ALDH1A3: variants seen among roughly 807,000 people sequenced by gnomAD.
The protein encoded by ALDH1A3 is aldehyde dehydrogenase 1 family member A3.
ALDH1A3 carries 28 observed loss-of-function variants against 57.5 expected under a neutral mutation model. The observed-to-expected ratio is 0.49, with a 90% CI of 0.36 to 0.67. The LOEUF (loss-of-function observed/expected upper bound fraction) is 0.67, where lower values mean the gene tolerates loss of function less well. Ranked by LOEUF, ALDH1A3 falls within the 30% of genes least tolerant of loss-of-function variation. The pLI, the probability that ALDH1A3 is intolerant of heterozygous loss-of-function variation, is 0.00. For missense variants in ALDH1A3, 507 were observed against 669.4 expected, an observed-to-expected ratio of 0.76 and a Z score of 2.68; for synonymous variants, 281 against 264.8, an observed-to-expected ratio of 1.06 and a Z score of -0.59.
chr15:100,895,945 C>A lies in ALDH1A3; in HGVS notation c.679C>A (p.Pro227Thr), dbSNP rs1408573428. 1 of 1,612,856 alleles carries A rather than the reference C, an allele frequency of 6.2e-7. No individual in the cohort carries two copies. The highest frequency in any genetic ancestry group is 8.5e-7 in the Non-Finnish European group (1 of 1,179,500). The change falls in exon 7 of 13, where the codon CCA (proline) becomes ACA (threonine). Residue 227 changes from proline to threonine, a missense_variant. Coordinates refer to ENST00000329841, the MANE Select transcript of ALDH1A3 (RefSeq NM_000693.4). ...GATTTCTTCCCAGGCCGGGTTCCCTCCAGGAGTGGTGAACATTGTGCCAGG... is the reference window on the plus strand; with the variant it reads ...GATTTCTTCCCAGGCCGGGTTCCCTACAGGAGTGGTGAACATTGTGCCAGG... ...GSLIKEAGFP[P>T]GVVNIVPGFG...
chr15:100,896,260 GAGATA>G (rs2041702885), intron 7 of ALDH1A3, among the ~76,000 whole-genome samples: 1 of 152,188 alleles, frequency 6.6e-6, no homozygotes, highest in African/African-American at 2.4e-5. Context: ...AAAAGATTGA[GAGATA>G]AGATAAAGTA....
chr15:100,907,324 G>T, intron 11 of ALDH1A3, 46 bp downstream of exon 11: 2 of 1,582,850 alleles, frequency 1.3e-6, no homozygotes, highest in Non-Finnish European at 1.7e-6. Context: ...GTTGCTTCTT[G>T]CTAAGTTCAT....
intron 12 of ALDH1A3, 127 bp from the exon 13 acceptor site, chr15:100,914,574 T>A: frequency 1.3e-6 from 1 of 758,762 alleles, no homozygotes; most frequent in South Asian, 1.8e-5. Flanking sequence ...TTCCATGAGG[T>A]CGTCACATTT....
Position 100,905,564 on chromosome 15 carries a change from G to C in ALDH1A3, c.1110G>C (p.Glu370Asp). The change falls in exon 10 of 13, where the codon GAG becomes GAC. Residue 370 changes from glutamate to aspartate, a missense_variant. Glu to Asp is a conservative substitution (Grantham distance 45). This residue lies in a region of ALDH1A3 where 432 missense variants were observed against 608.4 expected (regional missense o/e 0.71). Transcript: ENST00000329841. ...TCGACAAAATCTTAGAGCTGATCGA[G>C]AGTGGGAAGAAGGAAGGGGCCAAGC... ...KQFDKILELI[E>D]SGKKEGAKLE... 5 of 1,614,206 alleles carry C rather than the reference G, an allele frequency of 3.1e-6. No homozygotes were observed. Among genetic ancestry groups the C allele is most frequent in the Non-Finnish European group, 4.2e-6 (5 of 1,180,032 alleles).
At chr15:100,907,769 G>C (rs11854028) in intron 11 of ALDH1A3, among the ~76,000 whole-genome samples, 3 of 151,232 alleles carry the variant, frequency 2.0e-5, no homozygotes, top group African/African-American at 7.3e-5. Flanking sequence ...GGAGAACTTT[G>C]GGGTCAGTTC....
chr15:100,905,915 AC>A (rs2041818017), intron 10 of ALDH1A3, among the ~76,000 whole-genome samples: 1 of 152,046 alleles, frequency 6.6e-6, no homozygotes. Context: ...TACAGCAGGT[AC>A]CTTGTTTGTT....
intron 9 of ALDH1A3, among the ~76,000 whole-genome samples, chr15:100,904,092 T>G (rs1567173028): frequency 1.3e-5 from 2 of 152,250 alleles, no homozygotes; most frequent in South Asian, 2.1e-4. Flanking sequence ...TATAAAACTT[T>G]TATGGTTTTG....
Position 100,887,566 on chromosome 15 carries a change from G to C in ALDH1A3, c.205-6G>C. ...ACAGTCTCTCTCTGTTGTTCTGGTC[G>C]CTCAGCCCGACGTGGACAAGGCTGT... On this transcript the variant is annotated splice_region_variant and splice_polypyrimidine_tract_variant and intron_variant, in intron 2 of 12. Transcript: ENST00000329841. The surrounding 1 kb of genome is among the most constrained non-coding windows in gnomAD (Gnocchi z 4.6). 6.3e-7 allele frequency: 1 copy of C among 1,575,768 alleles called. No homozygotes were observed. Among genetic ancestry groups the C allele is most frequent in the Non-Finnish European group, 8.6e-7 (1 of 1,158,492 alleles).
Position 100,893,299 on chromosome 15 carries a change from T to C in ALDH1A3, c.537+293T>C, listed in dbSNP as rs916319581. 27 of 325,362 alleles carry C rather than the reference T, an allele frequency of 8.3e-5. No individual in the cohort carries two copies. Among genetic ancestry groups the C allele is most frequent in the Non-Finnish European group, 1.4e-4 (25 of 179,066 alleles). The allele number at this position is 325,362 out of a possible 1,614,324, so 20.2% of individuals were successfully genotyped here. ...TGGTCTCTTAGCTGGGCCTTAAAGATAAGAAAGACTTGTTCAACAAGGAAA... is the reference window on the plus strand; with the variant it reads ...TGGTCTCTTAGCTGGGCCTTAAAGACAAGAAAGACTTGTTCAACAAGGAAA... On this transcript the variant is annotated intron_variant, in intron 5 of 12. Coordinates refer to ENST00000329841, the MANE Select transcript of ALDH1A3 (RefSeq NM_000693.4). The surrounding 1 kb of genome is among the most constrained non-coding windows in gnomAD (Gnocchi z 4.8).
intron 1 of ALDH1A3, chr15:100,880,755 G>A (rs1205964508): frequency 1.3e-5 from 2 of 152,450 alleles, no homozygotes; most frequent in African/African-American, 4.8e-5. Context: ...GGAGGCTACA[G>A]CGTTGGCAGA....
Position 100,894,229 on chromosome 15 carries a change from C to A in ALDH1A3, c.666+147C>A. The A allele has an allele frequency of 2.0e-6, 2 of 998,164 alleles. No homozygotes were observed. The highest frequency in any genetic ancestry group is 2.9e-6 in the Non-Finnish European group (2 of 686,916). 61.8% of individuals were successfully genotyped at this position (998,164 alleles called of 1,614,324 possible). ...CTTCCAGTGTTTTGTTTGGCGACTG[C>A]ACGTTCTTTCTCCTGCTTGTGGCCA... On this transcript the variant is annotated intron_variant, in intron 6 of 12. Transcript: ENST00000329841. This position sits in a 1 kb window ranked among gnomAD's most constrained non-coding sequence, Gnocchi z 4.5.
intron 11 of ALDH1A3, among the ~76,000 whole-genome samples, chr15:100,908,123 A>G (rs1363193599): frequency 6.6e-6 from 1 of 152,122 alleles, no homozygotes; most frequent in Admixed American, 6.5e-5. Flanking sequence ...TGCTGGGATT[A>G]CAGGCATAAG....
At chr15:100,888,317 A>G (rs2141550804) in intron 3 of ALDH1A3, among the ~76,000 whole-genome samples, 1 of 151,272 alleles carries the variant, frequency 6.6e-6, no homozygotes, top group Non-Finnish European at 1.5e-5. Context: ...CAGGTCTTGA[A>G]CTCCTGGTCT....
At chr15:100,908,514 G>A (rs745865485) in intron 12 of ALDH1A3, 32 bp downstream of exon 12, 14 of 1,568,756 alleles carry the variant, frequency 8.9e-6, no homozygotes, top group Non-Finnish European at 1.1e-5. Flanking sequence ...AGCCTGCCGT[G>A]GGCTGAACAC....
chr15:100,886,614 G>A (rs1344391554), intron 2 of ALDH1A3, among the ~76,000 whole-genome samples: 1 of 152,162 alleles, frequency 6.6e-6, no homozygotes, highest in East Asian at 1.9e-4. Flanking sequence ...ACTCCCTGCT[G>A]TACCTTCCTA....
rs756225681 is a variant in ALDH1A3, at chr15:100,900,697, G to C, written c.1006G>C (p.Glu336Gln). The change falls in exon 9 of 13, where the codon GAG (glutamate) becomes CAG (glutamine). Residue 336 changes from glutamate (E) to glutamine (Q), a missense_variant. Physicochemically the swap from Glu to Gln is conservative, Grantham distance 29. Coordinates refer to ENST00000329841, the MANE Select transcript of ALDH1A3 (RefSeq NM_000693.4). ...CTCTGAGTTTGTCAGGCGGAGCGTG[G>C]AGTATGCCAAGAAACGGCCCGTGGG... is the stretch of plus-strand genomic sequence containing the variant. ...VYSEFVRRSV[E>Q]YAKKRPVGDP... 2.5e-6 allele frequency: 4 copies of C among 1,614,104 alleles called. No individual in the cohort carries two copies. The highest frequency in any genetic ancestry group is 3.4e-6 in the Non-Finnish European group (4 of 1,180,024).
intron 12 of ALDH1A3, among the ~76,000 whole-genome samples, chr15:100,913,017 G>A (rs1478884659): frequency 1.0e-5 from 1 of 96,752 alleles, no homozygotes; most frequent in Admixed American, 9.8e-5. Flanking sequence ...AATTAGCCGG[G>A]CGTGGCAGCG....
intron 1 of ALDH1A3, chr15:100,881,358 T>C (rs1214566352): frequency 2.0e-5 from 3 of 152,342 alleles, no homozygotes; most frequent in Non-Finnish European, 4.4e-5. Flanking sequence ...AGAGTGAAAA[T>C]GGTACCCGAA....
rs188865397 is a variant in ALDH1A3 at position 100,904,698 on chromosome 15, C to A, written c.1069-825C>A. ...TCTTGAGCAGTCTCCCAAAAGGGTG[C>A]GCTTTTGACAACTGCTCAGTAGCGT... On this transcript the variant is annotated intron_variant, in intron 9 of 12. Transcript: ENST00000329841. 3.9e-5 allele frequency among the ~76,000 whole-genome samples: 6 copies of A among 152,292 alleles called. No individual in the cohort carries two copies. In the East Asian group the frequency reaches 1.2e-3, roughly 29 times the overall value.
Sources: allele counts gnomAD v4.1 joint callset (sites outside exome capture counted in the v4.1 genomes callset), GRCh38; gene constraint gnomAD v4.1.1; regional missense constraint gnomAD v4.1.1; non-coding constraint Gnocchi (gnomAD v3.1); transcripts MANE v1.5; gene names NCBI Gene and HGNC (gene_info 2026-07-23, HGNC 2026-07-21).